FGGY: variants seen among roughly 807,000 people sequenced by gnomAD.
FGGY encodes the protein FGGY carbohydrate kinase domain containing.
In FGGY, 72 loss-of-function variants were observed where a neutral mutation model predicts 71.3. The observed-to-expected ratio is 1.01, with a 90% CI of 0.84 to 1.23. The LOEUF (loss-of-function observed/expected upper bound fraction) is 1.23. FGGY is among the 50% of genes most tolerant of loss of function. The pLI is 0.00. For missense variants in FGGY, 668 were observed against 682.3 expected (o/e 0.98, Z 0.23); for synonymous variants, 251 against 250.3 (o/e 1.00, Z -0.02).
intron 7 of FGGY, among the ~76,000 whole-genome samples, chr1:59,547,146 T>C (rs2095539385): frequency 6.6e-6 from 1 of 150,910 alleles, no homozygotes; most frequent in Non-Finnish European, 1.5e-5. Flanking sequence ...AAAGACGGGG[T>C]TTCACCATAT....
intron 8 of FGGY, among the ~76,000 whole-genome samples, chr1:59,597,992 A>G (rs2153804837): frequency 6.6e-6 from 1 of 152,344 alleles, no homozygotes; most frequent in Non-Finnish European, 1.5e-5. Flanking sequence ...ACTGCAACTG[A>G]TGAGTATTGT....
intron 14 of FGGY, among the ~76,000 whole-genome samples, chr1:59,681,343 C>T (rs535776049): frequency 3.9e-4 from 59 of 152,210 alleles, no homozygotes; most frequent in Non-Finnish European, 5.6e-4. Flanking sequence ...CTCACCTCCC[C>T]CCACAATTTT....
At chr1:59,650,273 G>A (rs1158202878) in intron 11 of FGGY, among the ~76,000 whole-genome samples, 15 of 144,154 alleles carry the variant, frequency 1.0e-4, no homozygotes, top group Non-Finnish European at 1.8e-4. Flanking sequence ...CATAAAATGC[G>A]TTAGGGAGGA....
chr1:59,416,142 A>G (rs577993117), intron 5 of FGGY, among the ~76,000 whole-genome samples: 1 of 152,096 alleles, frequency 6.6e-6, no homozygotes, highest in South Asian at 2.1e-4. Flanking sequence ...GTGACAATGC[A>G]AAAAAGCTTT....
At chr1:59,625,654 T>G (rs1378510468) in intron 9 of FGGY, among the ~76,000 whole-genome samples, 4 of 152,110 alleles carry the variant, frequency 2.6e-5, no homozygotes, top group African/African-American at 9.7e-5. Flanking sequence ...CTTTTAACAC[T>G]CAGACCCCCC....
intron 10 of FGGY, among the ~76,000 whole-genome samples, chr1:59,634,769 T>C (rs2096940675): frequency 6.6e-6 from 1 of 152,228 alleles, no homozygotes; most frequent in Admixed American, 6.5e-5. Context: ...TGTCATTTTA[T>C]AGTGCTCAGG....
chr1:59,551,846 A>C (rs1392448025), intron 7 of FGGY, among the ~76,000 whole-genome samples: 1 of 152,190 alleles, frequency 6.6e-6, no homozygotes, highest in Non-Finnish European at 1.5e-5. Flanking sequence ...AAAAGAGCTC[A>C]GTTAAAATGA....
chr1:59,701,257 C>G (rs2097707362), intron 14 of FGGY, among the ~76,000 whole-genome samples: 2 of 152,148 alleles, frequency 1.3e-5, no homozygotes, highest in Non-Finnish European at 2.9e-5. Context: ...GAAGTGGAAT[C>G]CCAGCACAGT....
chr1:59,653,431 C>T lies in FGGY; in HGVS notation c.1222-6788C>T, dbSNP rs796942269. ...TTCTGTGGGCGTAGGACCCTCCGAG[C>T]CAGGTGTGGGATATAGTCTCGTGGT... On this transcript the variant is annotated intron_variant, in intron 11 of 15. Coordinates refer to ENST00000303721, the MANE Select transcript of FGGY (RefSeq NM_018291.5). 3.4e-4 allele frequency among the ~76,000 whole-genome samples: 52 copies of T among 152,240 alleles called. 1 individual carries two copies. Among genetic ancestry groups the T allele is most frequent in the African/African-American group, 1.2e-3 (48 of 41,516 alleles).
chr1:59,732,496 T>C (rs1159741852), intron 14 of FGGY, among the ~76,000 whole-genome samples: 1 of 152,120 alleles, frequency 6.6e-6, no homozygotes, highest in African/African-American at 2.4e-5. Flanking sequence ...TGATCCTGAA[T>C]GGGGAAGTGC....
At chr1:59,638,195 C>T (rs766711938) in intron 10 of FGGY, 33 bp from the exon 11 acceptor site, 44 of 1,604,702 alleles carry the variant, frequency 2.7e-5, no homozygotes, top group Non-Finnish European at 3.6e-5. Context: ...GACCCTATCC[C>T]CCCTTTAAAA....
intron 4 of FGGY, among the ~76,000 whole-genome samples, chr1:59,366,646 G>A (rs959853565): frequency 1.3e-5 from 2 of 151,886 alleles, no homozygotes; most frequent in African/African-American, 2.4e-5. Flanking sequence ...TCTTTCTCTC[G>A]AAAGGACCTG....
intron 5 of FGGY, among the ~76,000 whole-genome samples, chr1:59,389,291 C>T (rs942165389): frequency 6.6e-6 from 1 of 152,172 alleles, no homozygotes; most frequent in Admixed American, 6.6e-5. Context: ...TTGCCTATTC[C>T]AGATACCCCA....
At chr1:59,431,373 C>A (rs1192556902) in intron 5 of FGGY, among the ~76,000 whole-genome samples, 1 of 152,196 alleles carries the variant, frequency 6.6e-6, no homozygotes, top group African/African-American at 2.4e-5. Context: ...ATGGATCAAG[C>A]CCCATGGTTC....
At chr1:59,339,872 G>A in intron 2 of FGGY, 86 bp from the exon 3 acceptor site, 1 of 740,480 alleles carries the variant, frequency 1.4e-6, no homozygotes, top group Non-Finnish European at 2.2e-6. Flanking sequence ...TTTCTATTCT[G>A]TCATTCCTTC....
At chr1:59,573,680 A>G (rs2096028148) in intron 8 of FGGY, among the ~76,000 whole-genome samples, 2 of 152,200 alleles carry the variant, frequency 1.3e-5, no homozygotes, top group South Asian at 4.1e-4. Context: ...GGCCATGCTT[A>G]TATTTGGCAT....
chr1:59,646,619 T>G (rs2097097058), intron 11 of FGGY, among the ~76,000 whole-genome samples: 1 of 152,094 alleles, frequency 6.6e-6, no homozygotes. Flanking sequence ...TTGTGATTTT[T>G]AATAGGTACC....
chr1:59,684,941 T>C (rs887419566), intron 14 of FGGY, among the ~76,000 whole-genome samples: 1 of 152,240 alleles, frequency 6.6e-6, no homozygotes, highest in Non-Finnish European at 1.5e-5. Flanking sequence ...CTGTGTTCAT[T>C]TGATCTTCAC....
At chr1:59,522,819 C>T (rs1181325332) in intron 7 of FGGY, among the ~76,000 whole-genome samples, 3 of 152,180 alleles carry the variant, frequency 2.0e-5, no homozygotes, top group Admixed American at 2.0e-4. Context: ...ATTTGTGTGC[C>T]TCTGTCTTCA....
Sources: allele counts gnomAD v4.1 joint callset (sites outside exome capture counted in the v4.1 genomes callset), GRCh38; gene constraint gnomAD v4.1.1; transcripts MANE v1.5; gene names NCBI Gene and HGNC (gene_info 2026-07-23, HGNC 2026-07-21).